The following NFATC3 variants were observed in gnomAD, a reference collection of about 807,000 sequenced individuals.
NFATC3 encodes nuclear factor of activated T-cells, cytoplasmic 3.
NFATC3 carries 46 observed loss-of-function variants against 98.6 expected under a neutral mutation model. The observed-to-expected ratio is 0.47, with a 90% CI of 0.37 to 0.60. The LOEUF is 0.60. NFATC3 is among the 20% of genes least tolerant of loss of function. The pLI is 0.00. For missense variants in NFATC3, 1,256 were observed against 1,295.5 expected (o/e 0.97, Z 0.47); for synonymous variants, 512 against 472.2 (o/e 1.08, Z -1.09).
rs1269763631 is a variant in NFATC3 at position 68,138,550 on chromosome 16, G to T, written c.1401+11940G>T. ...TTCATCTTTTGATGTCGTCTTTGAT[G>T]CACAGCTTCTACTGTCCATGGGAAA... On this transcript the variant is annotated intron_variant, in intron 3 of 9. Coordinates refer to ENST00000346183, the MANE Select transcript of NFATC3 (RefSeq NM_173165.3). The T allele has an allele frequency of 4.7e-6, 6 of 1,288,716 alleles. No individual in the cohort carries two copies. In the East Asian group the frequency reaches 1.7e-4, roughly 36 times the overall value. 79.8% of individuals were successfully genotyped at this position (1,288,716 alleles called of 1,614,324 possible).
chr16:68,207,793 T>A (rs1212883055), intron 9 of NFATC3, among the ~76,000 whole-genome samples: 2 of 152,166 alleles, frequency 1.3e-5, no homozygotes, highest in East Asian at 3.9e-4. Context: ...AACCACTATT[T>A]TTTTTAATCC....
intron 4 of NFATC3, among the ~76,000 whole-genome samples, chr16:68,158,400 A>G (rs147402256): frequency 9.9e-4 from 150 of 152,274 alleles, no homozygotes; most frequent in African/African-American, 2.9e-3. Flanking sequence ...TGATTGTTCT[A>G]TTTCCTTAAG....
intron 9 of NFATC3, chr16:68,225,902 G>A (rs181175393): frequency 2.0e-5 from 3 of 152,364 alleles, no homozygotes; most frequent in African/African-American, 7.2e-5. Context: ...CAACAGAAAT[G>A]CCCCCACATA....
rs540616130 is a variant in NFATC3, at chr16:68,203,060, A to G, written c.3106+11285A>G. Among the ~76,000 whole-genome samples, 3 of 152,238 alleles carry G rather than the reference A, an allele frequency of 2.0e-5. No homozygotes were observed. In the East Asian group the frequency reaches 5.8e-4, roughly 29 times the overall value. ...TAGGATGAATGATTCCAGAAGCTGA[A>G]AGGTCTTGTAAATAATGCCTATGTA... On this transcript the variant is annotated intron_variant, in intron 9 of 9. Coordinates refer to ENST00000346183, the MANE Select transcript of NFATC3 (RefSeq NM_173165.3).
chr16:68,220,307 T>C (rs2151177466), intron 9 of NFATC3, among the ~76,000 whole-genome samples: 1 of 152,070 alleles, frequency 6.6e-6, no homozygotes, highest in African/African-American at 2.4e-5. Context: ...CCAGATCATG[T>C]GAGGTCAGGA....
chr16:68,183,227 T>G lies in NFATC3; in HGVS notation c.1972-13T>G, dbSNP rs576734012. The G allele has an allele frequency of 6.4e-7, 1 of 1,567,476 alleles. No individual in the cohort carries two copies. Among genetic ancestry groups the G allele is most frequent in the African/African-American group, 1.4e-5 (1 of 72,802 alleles). On this transcript the variant is annotated splice_polypyrimidine_tract_variant and intron_variant, in intron 7 of 9. Transcript: ENST00000346183. Reference sequence around the variant, plus strand: ...AGTTCTGAGTGTAACACAATCTTGCTTTCCATCCTTAGGCTCACATTGTCC... The same window carrying G: ...AGTTCTGAGTGTAACACAATCTTGCGTTCCATCCTTAGGCTCACATTGTCC...
intron 3 of NFATC3, among the ~76,000 whole-genome samples, chr16:68,144,515 T>C (rs953270641): frequency 6.6e-6 from 1 of 152,178 alleles, no homozygotes; most frequent in South Asian, 2.1e-4. Context: ...TCATCATCAT[T>C]ATTTTTTTTT....
At chr16:68,134,312 C>G (rs908933302) in intron 3 of NFATC3, among the ~76,000 whole-genome samples, 1 of 152,130 alleles carries the variant, frequency 6.6e-6, no homozygotes, top group African/African-American at 2.4e-5. Context: ...CAGGCATGTA[C>G]CACCACGCTT....
intron 3 of NFATC3, among the ~76,000 whole-genome samples, chr16:68,138,030 T>A (rs1049179932): frequency 6.6e-6 from 1 of 151,878 alleles, no homozygotes; most frequent in African/African-American, 2.4e-5. Context: ...TCTCTTACTT[T>A]AAAAAAAAAT....
intron 3 of NFATC3, among the ~76,000 whole-genome samples, chr16:68,131,595 A>G (rs917369890): frequency 2.0e-5 from 3 of 152,034 alleles, no homozygotes; most frequent in African/African-American, 4.8e-5. Context: ...CTTTTAAAAG[A>G]CAAAACAAAA....
intron 1 of NFATC3, among the ~76,000 whole-genome samples, chr16:68,092,153 A>C (rs1445867009): frequency 1.3e-5 from 2 of 152,180 alleles, no homozygotes; most frequent in Admixed American, 6.6e-5. Context: ...AGTTAATATT[A>C]GTTAATATTC....
chr16:68,126,719 G>C, intron 3 of NFATC3, 109 bp downstream of exon 3: 2 of 1,044,164 alleles, frequency 1.9e-6, no homozygotes, highest in East Asian at 2.4e-5. Context: ...CTCAAAACTA[G>C]AGAGCCTCTG....
chr16:68,222,772 G>C (rs529967300), intron 9 of NFATC3, among the ~76,000 whole-genome samples: 1 of 152,186 alleles, frequency 6.6e-6, no homozygotes. Flanking sequence ...CCTTTTGGGA[G>C]TTCATAGCCT....
At chr16:68,120,435 C>T (rs574829087) in intron 1 of NFATC3, among the ~76,000 whole-genome samples, 18 of 151,676 alleles carry the variant, frequency 1.2e-4, no homozygotes, top group Admixed American at 4.0e-4. Context: ...AAAAATTAGC[C>T]GAGTGTCATG....
intron 3 of NFATC3, among the ~76,000 whole-genome samples, chr16:68,128,558 T>G (rs957114434): frequency 6.6e-6 from 1 of 151,998 alleles, no homozygotes; most frequent in Non-Finnish European, 1.5e-5. Context: ...CAGTTTTCCT[T>G]TAATGAAAAA....
At chr16:68,224,604 G>A (rs11075669) in intron 9 of NFATC3, 13,429 of 133,010 alleles carry the variant, frequency 0.1, 770 homozygotes, top group South Asian at 0.18. Context: ...TTGAGATGGA[G>A]TCTTGCTCTG....
Position 68,126,495 on chromosome 16 carries a change from G to A in NFATC3, c.1286G>A (p.Gly429Glu). 1 of 1,614,036 alleles carries A rather than the reference G, an allele frequency of 6.2e-7. No homozygotes were observed. The highest frequency in any genetic ancestry group is 2.2e-5 in the East Asian group (1 of 44,882). The change falls in exon 3 of 10, where the codon GGA becomes GAA. Residue 429 changes from glycine to glutamate, a missense_variant. Around this residue, in one of 3 missense-constraint regions of NFATC3, gnomAD observed 156 missense variants for 212.4 expected, o/e 0.73. Transcript: ENST00000346183. ...GACTGGCCTTTACCAGCTCATTTTG[G>A]ACAATGTGAACTGAAAATAGAAGTG... ...PLDWPLPAHF[G>E]QCELKIEVQP...
intron 3 of NFATC3, chr16:68,138,860 C>G (rs2037594461): frequency 9.3e-7 from 1 of 1,076,388 alleles, no homozygotes; most frequent in African/African-American, 1.7e-5. Context: ...CTAATACGGG[C>G]TCTAGAGCCA....
intron 3 of NFATC3, among the ~76,000 whole-genome samples, chr16:68,148,713 A>G (rs1598444984): frequency 6.6e-6 from 1 of 152,202 alleles, no homozygotes; most frequent in African/African-American, 2.4e-5. Flanking sequence ...AAGTCTATAA[A>G]AGAAGGAGTT....
Sources: gnomAD v4.1 joint callset for allele counts (sites outside exome capture counted in the v4.1 genomes callset) on GRCh38, gnomAD v4.1.1 for gene constraint, gnomAD v4.1.1 regional missense constraint, MANE v1.5 for transcripts, NCBI Gene and HGNC (gene_info 2026-07-23, HGNC 2026-07-21) for gene names.